Variants in FAM20C observed in about 807,000 individuals in gnomAD.
FAM20C encodes the protein extracellular serine/threonine protein kinase FAM20C.
FAM20C carries 40 observed loss-of-function variants against 51.5 expected under a neutral mutation model. That is an observed-to-expected ratio of 0.78 (90% CI 0.60 to 1.01). The LOEUF is 1.01. FAM20C is among the 50% of genes least tolerant of loss of function. The pLI is 0.00. For synonymous variants in FAM20C, 406 were observed against 380.6 expected, an observed-to-expected ratio of 1.07 and a Z score of -0.78; for missense variants, 861 against 844.7, an observed-to-expected ratio of 1.02 and a Z score of -0.24.
At chr7:252,810 C>T (rs538962865) in intron 5 of FAM20C, among the ~76,000 whole-genome samples, 18 of 152,352 alleles carry the variant, frequency 1.2e-4, no homozygotes, top group African/African-American at 2.9e-4. Context: ...GTGTAGGGGC[C>T]GGGCCGCAGT....
intron 3 of FAM20C, among the ~76,000 whole-genome samples, chr7:233,189 G>A (rs939594101): frequency 1.6e-4 from 25 of 152,332 alleles, no homozygotes; most frequent in African/African-American, 4.8e-4. Flanking sequence ...GTGAGGACGC[G>A]TCGCCTGGCC....
intron 2 of FAM20C, among the ~76,000 whole-genome samples, chr7:207,669 G>A (rs1047649638): frequency 6.6e-6 from 1 of 152,230 alleles, no homozygotes; most frequent in South Asian, 2.1e-4. Flanking sequence ...ATGTTGACGT[G>A]TGACCAGTCC....
At chr7:217,005 C>A (rs572126546) in intron 3 of FAM20C, among the ~76,000 whole-genome samples, 1 of 152,086 alleles carries the variant, frequency 6.6e-6, no homozygotes, top group Non-Finnish European at 1.5e-5. Flanking sequence ...ATCGTACTGG[C>A]GTGAAGAGGC....
At chr7:215,228 TGGGGGGGGGAGCAGGGCCCC>T (rs1583298993) in intron 3 of FAM20C, among the ~76,000 whole-genome samples, 5 of 80,010 alleles carry the variant, frequency 6.2e-5, no homozygotes, top group Non-Finnish European at 1.1e-4. Flanking sequence ...AGGCTCCAGC[TGGGGGGGGGAGCAGGGCCCC>T]TGGTGTATGG....
chr7:220,398 T>A (rs1305319901), intron 3 of FAM20C, among the ~76,000 whole-genome samples: 1 of 146,788 alleles, frequency 6.8e-6, no homozygotes, highest in Non-Finnish European at 1.5e-5. Flanking sequence ...CAAGTGGAGC[T>A]TAAATTCCCG....
intron 3 of FAM20C, among the ~76,000 whole-genome samples, chr7:245,424 G>T (rs994378707): frequency 2.2e-4 from 34 of 151,872 alleles, no homozygotes; most frequent in African/African-American, 8.2e-4. Context: ...TCTCCTTCCA[G>T]TGGAGGCAGG....
chr7:217,531 T>G (rs946936996), intron 3 of FAM20C, among the ~76,000 whole-genome samples: 1 of 59,146 alleles, frequency 1.7e-5, no homozygotes, highest in Non-Finnish European at 3.5e-5. Context: ...GGGCTTGGCT[T>G]GAGGTTAGGT....
chr7:210,313 C>G (rs139758550), intron 3 of FAM20C, among the ~76,000 whole-genome samples: 1 of 152,144 alleles, frequency 6.6e-6, no homozygotes, highest in African/African-American at 2.4e-5. Flanking sequence ...GGCCTCTGCC[C>G]CGGTTGAGGA....
At chr7:218,189 C>T (rs1421625950) in intron 3 of FAM20C, among the ~76,000 whole-genome samples, 1 of 152,202 alleles carries the variant, frequency 6.6e-6, no homozygotes, top group Admixed American at 6.5e-5. Flanking sequence ...TCAAGCCCAG[C>T]CACAACCACA....
In FAM20C at chr7:193,068, C is replaced by T. The variant is rs1316075857; in HGVS notation, c.-132C>T. On this transcript the variant is annotated 5_prime_UTR_variant, in exon 1 of 10. It introduces an in-frame stop codon into an upstream open reading frame of the 5' UTR. Transcript: ENST00000313766. ...CCTGCACGCGGCCCGGGCCCGGGGA[C>T]AGCCCCGGAGCTGGTAGCCGCCCGG... The T allele has an allele frequency of 5.8e-6, 4 of 684,626 alleles. No homozygotes were observed. The highest frequency in any genetic ancestry group is 5.1e-5 in the East Asian group (1 of 19,760). The allele number at this position is 684,626 out of a possible 1,614,324, so 42.4% of individuals were successfully genotyped here. A position where few individuals can be genotyped will look rare whatever the true frequency, so the allele number is the denominator to read the frequency against.
rs1335845666 is a variant in FAM20C at position 248,318 on chromosome 7, C to A, written c.960C>A (p.Ile320=). ...TTCCCCGCCCGTTTCTTGCCAGGAT[C>A]CTGGACTTCCGCCGGGTCCCTCCCG... ...AEIAAFHLDR[I]LDFRRVPPVA... The change falls in exon 5 of 10, where the codon ATC becomes ATA. Residue 320 remains isoleucine, a synonymous_variant. Transcript: ENST00000313766. 1.3e-6 allele frequency: 2 copies of A among 1,532,188 alleles called. No individual in the cohort carries two copies. The highest frequency in any genetic ancestry group is 8.7e-7 in the Non-Finnish European group (1 of 1,144,902). The allele number at this position is 1,532,188 out of a possible 1,614,324, so 94.9% of individuals were successfully genotyped here.
At chr7:258,179 T>C (rs1196953268) in intron 8 of FAM20C, among the ~76,000 whole-genome samples, 48 of 83,928 alleles carry the variant, frequency 5.7e-4, no homozygotes, top group African/African-American at 1.8e-3. Context: ...ACCCACTGCC[T>C]GAGGTGCTGG....
chr7:209,809 G>A (rs543484765), intron 3 of FAM20C, among the ~76,000 whole-genome samples: 1 of 152,324 alleles, frequency 6.6e-6, no homozygotes, highest in South Asian at 2.1e-4. Context: ...TAATTCAGAA[G>A]CTCTTCATAT....
chr7:214,527 G>A (rs531801485), intron 3 of FAM20C, among the ~76,000 whole-genome samples: 11 of 152,342 alleles, frequency 7.2e-5, no homozygotes, highest in Admixed American at 4.6e-4. Flanking sequence ...CACTTGGCAC[G>A]GTCAGCGGAA....
intron 3 of FAM20C, among the ~76,000 whole-genome samples, chr7:214,878 C>A (rs1038831510): frequency 2.0e-5 from 3 of 152,150 alleles, no homozygotes; most frequent in Non-Finnish European, 4.4e-5. Flanking sequence ...CTGGCTGTGA[C>A]CACCTCCAGG....
intron 3 of FAM20C, chr7:245,912 A>T (rs1788135535): frequency 6.5e-6 from 1 of 153,152 alleles, no homozygotes; most frequent in East Asian, 1.9e-4. Flanking sequence ...GGCAGAGCCA[A>T]GGGGTCCTGG....
intron 2 of FAM20C, among the ~76,000 whole-genome samples, chr7:202,193 G>A (rs1170641782): frequency 6.6e-6 from 1 of 152,266 alleles, no homozygotes; most frequent in African/African-American, 2.4e-5. Flanking sequence ...TGCATAGAGA[G>A]GACGGGTGGC....
chr7:219,571 C>T (rs1053328947), intron 3 of FAM20C, among the ~76,000 whole-genome samples: 1 of 152,196 alleles, frequency 6.6e-6, no homozygotes, highest in African/African-American at 2.4e-5. Context: ...GCTGTGCAGA[C>T]CCCTCCTGGG....
intron 3 of FAM20C, among the ~76,000 whole-genome samples, chr7:214,756 G>C (rs1438768442): frequency 1.3e-5 from 2 of 152,186 alleles, no homozygotes; most frequent in African/African-American, 2.4e-5. Context: ...GGAGAAGTGG[G>C]GGACTGAGCA....
Sources: allele counts gnomAD v4.1 joint callset (sites outside exome capture counted in the v4.1 genomes callset), GRCh38; gene constraint gnomAD v4.1.1; transcripts MANE v1.5; gene names NCBI Gene and HGNC (gene_info 2026-07-23, HGNC 2026-07-21).